Variants in LAMA2 observed in about 807,000 individuals in gnomAD.
The protein encoded by LAMA2 is laminin subunit alpha 2, also known as laminin subunit alpha-2.
Under a neutral mutation model 364.8 loss-of-function variants are expected in LAMA2, and 269 were observed. That is an observed-to-expected ratio of 0.74 (90% CI 0.67 to 0.82). The LOEUF (loss-of-function observed/expected upper bound fraction) is 0.82, where lower values mean the gene tolerates loss of function less well. Ranked by LOEUF, LAMA2 falls within the 40% of genes least tolerant of loss-of-function variation. The pLI is 0.00. For synonymous variants in LAMA2, 1,379 were observed against 1,370.6 expected (o/e 1.01, Z -0.14); for missense variants, 3,807 against 3,873.2 (o/e 0.98, Z 0.45).
chr6:129,354,291 G>A (rs1196511539), intron 32 of LAMA2, among the ~76,000 whole-genome samples: 1 of 152,054 alleles, frequency 6.6e-6, no homozygotes, highest in East Asian at 1.9e-4. Context: ...AAAAAGTTAA[G>A]ACTGGGTGTT....
At chr6:129,149,255 A>C (rs1035152058) in intron 7 of LAMA2, among the ~76,000 whole-genome samples, 159 bp downstream of exon 7, 1 of 152,158 alleles carries the variant, frequency 6.6e-6, no homozygotes, top group Admixed American at 6.6e-5. Context: ...CTTTTCCTAA[A>C]GGGAAATATC....
chr6:129,161,392 A>C (rs1779431468), intron 8 of LAMA2, among the ~76,000 whole-genome samples: 1 of 152,060 alleles, frequency 6.6e-6, no homozygotes, highest in Admixed American at 6.6e-5. Context: ...GGGTTTTGCT[A>C]TTTGTTTCCC....
chr6:129,232,618 T>G (rs1389613513), intron 12 of LAMA2, among the ~76,000 whole-genome samples: 1 of 152,150 alleles, frequency 6.6e-6, no homozygotes, highest in African/African-American at 2.4e-5. Flanking sequence ...CAGGTATTTC[T>G]TTATATTGAC....
intron 41 of LAMA2, among the ~76,000 whole-genome samples, chr6:129,435,028 T>C (rs1186943814): frequency 1.3e-5 from 2 of 151,952 alleles, no homozygotes; most frequent in East Asian, 3.9e-4. Flanking sequence ...GAATCAAAAT[T>C]AGCGCTTTGG....
At chr6:129,486,659 A>G (rs540411680) in intron 56 of LAMA2, 37 bp downstream of exon 56, 1 of 1,591,106 alleles carries the variant, frequency 6.3e-7, no homozygotes, top group Admixed American at 1.7e-5. Flanking sequence ...ATTGTAACTC[A>G]GGTGAACTTC....
At chr6:129,495,798 A>G (rs1374257167) in intron 58 of LAMA2, among the ~76,000 whole-genome samples, 1 of 150,438 alleles carries the variant, frequency 6.6e-6, no homozygotes, top group African/African-American at 2.4e-5. Context: ...ATACTTGCCC[A>G]TCTGGGAATG....
At chr6:129,151,679 A>G (rs1024589381) in intron 7 of LAMA2, among the ~76,000 whole-genome samples, 4 of 152,188 alleles carry the variant, frequency 2.6e-5, no homozygotes, top group African/African-American at 9.6e-5. Context: ...TACATGGTAC[A>G]GGAGAGAGAG....
intron 1 of LAMA2, among the ~76,000 whole-genome samples, chr6:128,909,582 C>T: frequency 1.4e-5 from 2 of 146,588 alleles, no homozygotes; most frequent in African/African-American, 2.5e-5. Flanking sequence ...GGTCTTGACT[C>T]TTTATCCAAT....
intron 6 of LAMA2, among the ~76,000 whole-genome samples, chr6:129,147,549 C>G (rs1403711887): frequency 6.6e-6 from 1 of 151,854 alleles, no homozygotes; most frequent in Non-Finnish European, 1.5e-5. Context: ...CTGATAGTGG[C>G]AAGCCGGAAA....
intron 44 of LAMA2, 151 bp downstream of exon 44, chr6:129,443,219 C>T (rs567752967): frequency 2.4e-5 from 13 of 543,678 alleles, no homozygotes; most frequent in East Asian, 1.8e-4. Context: ...ATGGTAGATG[C>T]GTAAAAGGAA....
At chr6:128,896,022 G>A (rs190272523) in intron 1 of LAMA2, among the ~76,000 whole-genome samples, 470 of 152,148 alleles carry the variant, frequency 3.1e-3, no homozygotes, top group African/African-American at 0.011. Context: ...TCTATCCTTT[G>A]ACCAAATTTT....
intron 1 of LAMA2, among the ~76,000 whole-genome samples, chr6:129,029,548 A>G (rs528409113): frequency 4.6e-5 from 7 of 152,022 alleles, no homozygotes; most frequent in African/African-American, 1.7e-4. Context: ...AATATTTACA[A>G]TGGTATTTAT....
intron 1 of LAMA2, among the ~76,000 whole-genome samples, chr6:129,039,576 G>C (rs937094026): frequency 2.6e-5 from 4 of 152,198 alleles, no homozygotes; most frequent in Non-Finnish European, 5.9e-5. Flanking sequence ...AGATTAATGG[G>C]AGTAGAGTCA....
chr6:129,440,960 C>T lies in LAMA2; in HGVS notation c.6230C>T (p.Ala2077Val), dbSNP rs1782081910. ...KNYNKLADSV[A>V]KTNAVVKDPS... ...TACAATAAACTAGCAGACAGCGTCG[C>T]CAAAACGAATGCTGTGGTTAAAGAT... Residue 2077 changes from alanine (A) to valine (V), a missense_variant, in exon 43 of 65, where the codon GCC becomes GTC. Ala to Val is a moderately conservative substitution (Grantham distance 64). Transcript: ENST00000421865. The T allele has an allele frequency of 6.2e-7, 1 of 1,613,850 alleles. No individual in the cohort carries two copies. The highest frequency in any genetic ancestry group is 8.5e-7 in the Non-Finnish European group (1 of 1,179,838).
intron 19 of LAMA2, among the ~76,000 whole-genome samples, chr6:129,288,391 T>C (rs1417227812): frequency 6.7e-6 from 1 of 149,430 alleles, no homozygotes. Context: ...CATGTATCCA[T>C]TTTTTTATCT....
chr6:128,928,099 A>G lies in LAMA2; in HGVS notation c.112+44742A>G, dbSNP rs1476721785. 2.0e-5 allele frequency among the ~76,000 whole-genome samples: 3 copies of G among 152,288 alleles called. No homozygotes were observed. In the South Asian group the frequency reaches 6.2e-4, roughly 32 times the overall value. On this transcript the variant is annotated intron_variant, in intron 1 of 64. Coordinates refer to ENST00000421865, the MANE Select transcript of LAMA2 (RefSeq NM_000426.4). ...GCATAGTGACTTGGACTACACAACAATTCCTTCTCCTCTACGGTAGCTCAA... is the reference window on the plus strand; with the variant it reads ...GCATAGTGACTTGGACTACACAACAGTTCCTTCTCCTCTACGGTAGCTCAA...
chr6:129,014,276 C>T (rs146661276), intron 1 of LAMA2, among the ~76,000 whole-genome samples: 15 of 152,120 alleles, frequency 9.9e-5, no homozygotes, highest in Non-Finnish European at 1.8e-4. Context: ...ATCTTACATT[C>T]GGATCCTGTG....
intron 1 of LAMA2, among the ~76,000 whole-genome samples, chr6:128,934,010 C>T (rs1170816131): frequency 6.6e-6 from 1 of 152,098 alleles, no homozygotes; most frequent in Non-Finnish European, 1.5e-5. Flanking sequence ...AAAATCATGA[C>T]CAAGACTGAT....
chr6:129,475,529 C>A, intron 53 of LAMA2, 128 bp downstream of exon 53: 2 of 658,812 alleles, frequency 3.0e-6, no homozygotes, highest in South Asian at 2.0e-5. Context: ...GTTTCACGAG[C>A]AAGCCGTGCA....
Sources: allele counts gnomAD v4.1 joint callset (sites outside exome capture counted in the v4.1 genomes callset), GRCh38; gene constraint gnomAD v4.1.1; transcripts MANE v1.5; gene names NCBI Gene and HGNC (gene_info 2026-07-23, HGNC 2026-07-21).